CDHR2: variants seen among roughly 807,000 people sequenced by gnomAD.
The protein encoded by CDHR2 is cadherin related family member 2.
Under a neutral mutation model 138.6 loss-of-function variants are expected in CDHR2, and 104 were observed. The observed-to-expected ratio is 0.75, with a 90% CI of 0.64 to 0.88. The LOEUF is 0.88. CDHR2 is among the 40% of genes least tolerant of loss of function. The pLI is 0.00. For missense variants in CDHR2, 1,624 were observed against 1,727.6 expected (o/e 0.94, Z 1.06); for synonymous variants, 755 against 742.8 (o/e 1.02, Z -0.27).
rs1757494032 is a variant in CDHR2 at position 176,543,119 on chromosome 5, T to TC, written c.-16+353dup. Among the ~76,000 whole-genome samples the TC allele has an allele frequency of 6.6e-6, 1 of 150,628 alleles. No homozygotes were observed. Among genetic ancestry groups the TC allele is most frequent in the African/African-American group, 2.4e-5 (1 of 41,078 alleles). On this transcript the variant is annotated intron_variant, in intron 1 of 31. Transcript: ENST00000510636. This position sits in a 1 kb window ranked among gnomAD's most constrained non-coding sequence, Gnocchi z 4.0. The stretch of plus-strand genomic sequence containing the variant: ...CGCTGCCGGGCCCGGGACTGCGAGC[T>TC]CCCGCCGTGCGGGCGCCGGCAGAGG...
chr5:176,576,136 C>A lies in CDHR2; in HGVS notation c.1145C>A (p.Pro382His), dbSNP rs376237956. ...GGCTACGTGGACGAGCATGCCTCCC[C>A]CCGCATCCCCATCGATGACCTCACC... ...FTGYVDEHAS[P>H]RIPIDDLTMV... is the part of the protein sequence containing the mutation. The change falls in exon 12 of 32, where the codon CCC becomes CAC. Residue 382 changes from proline (P) to histidine (H), a missense_variant. Pro to His is a moderately conservative substitution (Grantham distance 77). Around this residue, in one of 3 missense-constraint regions of CDHR2, gnomAD observed 1,061 missense variants for 1,136.6 expected, o/e 0.93. Coordinates refer to ENST00000261944, the MANE Select transcript of CDHR2 (RefSeq NM_017675.6). This position sits in a 1 kb window ranked among gnomAD's most constrained non-coding sequence, Gnocchi z 4.5. The A allele has an allele frequency of 4.3e-6, 7 of 1,614,042 alleles. No individual in the cohort carries two copies. In the East Asian group the frequency reaches 6.7e-5, roughly 15 times the overall value.
rs74781652 is a variant in CDHR2, at chr5:176,589,353, C to T, written c.3032C>T (p.Thr1011Ile). ...SIQPVTSLDS[T>I]LQGTYQVTVQ... is the part of the protein sequence containing the mutation. ...AGGCCGGTGACCAGCCTCGACTCCA[C>T]TCTCCAAGGCACCTACCAAGTGACA... The change falls in exon 23 of 32, where the codon ACT becomes ATT. Residue 1011 changes from threonine to isoleucine, a missense_variant. Physicochemically the swap from Thr to Ile is moderately conservative, Grantham distance 89. Around this residue, in one of 3 missense-constraint regions of CDHR2, gnomAD observed 556 missense variants for 565.7 expected, o/e 0.98. Transcript: ENST00000261944. 6.4e-7 allele frequency: 1 copy of T among 1,554,862 alleles called. No individual in the cohort carries two copies. The highest frequency in any genetic ancestry group is 2.2e-5 in the East Asian group (1 of 44,454).
chr5:176,555,909 CA>C (rs56237222), intron 1 of CDHR2, among the ~76,000 whole-genome samples: 141,648 of 151,756 alleles, frequency 0.93, 66,822 homozygotes, highest in South Asian at 1. Context: ...TCAAAACAAA[CA>C]AAAAAAACCC....
downstream of CDHR2, chr5:176,595,873 G>A (rs1285584788): frequency 1.0e-5 from 5 of 485,554 alleles, no homozygotes; most frequent in African/African-American, 2.0e-5. Flanking sequence ...GAGGGGTGGG[G>A]ACGGGACACT....
intron 20 of CDHR2, 33 bp from the exon 21 acceptor site, chr5:176,586,760 C>T (rs754813865): frequency 1.3e-6 from 2 of 1,583,426 alleles, no homozygotes; most frequent in Non-Finnish European, 1.7e-6. Flanking sequence ...AGTGTCCCGA[C>T]CCCGCTGACC....
At chr5:176,556,851 A>T (rs926479062) in intron 1 of CDHR2, 1 of 152,178 alleles carries the variant, frequency 6.6e-6, no homozygotes, top group African/African-American at 2.4e-5. Context: ...GTTTATAACA[A>T]AAGCCGGCCT....
rs541993691 is a variant in CDHR2, at chr5:176,588,703, G to A, written c.2857-328G>A. 6.6e-5 allele frequency among the ~76,000 whole-genome samples: 7 copies of A among 106,172 alleles called. No individual in the cohort carries two copies. The Admixed American group carries it at 7.2e-4, about 11-fold the overall frequency. 69.7% of individuals were successfully genotyped at this position (106,172 alleles called of 152,430 possible). A position where few individuals can be genotyped will look rare whatever the true frequency, so the allele number is the denominator to read the frequency against. ...AGAGGGTGTGTATGTGAGAGAGACT[G>A]TGTGTGTGAGTGTGTGTGTGTGAGA... On this transcript the variant is annotated intron_variant, in intron 21 of 31. Transcript: ENST00000261944.
intron 3 of CDHR2, among the ~76,000 whole-genome samples, chr5:176,567,719 C>T (rs556301380): frequency 6.6e-6 from 1 of 152,290 alleles, no homozygotes; most frequent in South Asian, 2.1e-4. Context: ...TTTCGAGCTC[C>T]TGATCTCAAG....
Position 176,592,785 on chromosome 5 carries a change from G to A in CDHR2, c.3792+5G>A. 1 of 1,613,606 alleles carries A rather than the reference G, an allele frequency of 6.2e-7. No homozygotes were observed. The highest frequency in any genetic ancestry group is 1.3e-5 in the African/African-American group (1 of 74,986). ...AAGAACAGTCAGGAAATCAAGGCAA[G>A]ATGGGGGATGAATTGGTGCCTGGAG... On this transcript the variant is annotated splice_donor_5th_base_variant and intron_variant, in intron 31 of 31. Coordinates refer to ENST00000261944, the MANE Select transcript of CDHR2 (RefSeq NM_017675.6).
chr5:176,558,311 G>A (rs545798117), intron 1 of CDHR2, among the ~76,000 whole-genome samples: 269 of 150,090 alleles, frequency 1.8e-3, no homozygotes, highest in Middle Eastern at 3.5e-3. Context: ...CGTCTCCCGG[G>A]TTCACACCAT....
At chr5:176,548,803 C>T (rs28719491), upstream of CDHR2, among the ~76,000 whole-genome samples, 1,747 of 151,984 alleles carry the variant, frequency 0.011, 36 homozygotes, top group African/African-American at 0.04. Context: ...CCCCTGGGGA[C>T]GGGCAGATGC....
At chr5:176,586,100 C>T in intron 20 of CDHR2, 75 bp downstream of exon 20, 1 of 1,198,116 alleles carries the variant, frequency 8.3e-7, no homozygotes, top group East Asian at 2.3e-5. Flanking sequence ...ACAGACCCTC[C>T]TTGGACCCCA....
intron 1 of CDHR2, among the ~76,000 whole-genome samples, chr5:176,564,354 G>A (rs1758035436): frequency 6.6e-6 from 1 of 152,070 alleles, no homozygotes; most frequent in African/African-American, 2.4e-5. Flanking sequence ...CCCGGCTAAC[G>A]TTTTTTGTAT....
At chr5:176,575,024 G>A in intron 7 of CDHR2, 60 bp from the exon 8 acceptor site, 1 of 1,601,660 alleles carries the variant, frequency 6.2e-7, no homozygotes, top group Non-Finnish European at 8.5e-7. Context: ...GTTGCTCAGA[G>A]TGGGGTCCTC....
intron 31 of CDHR2, among the ~76,000 whole-genome samples, chr5:176,593,781 C>T (rs1480207155): frequency 6.6e-6 from 1 of 152,154 alleles, no homozygotes; most frequent in Admixed American, 6.5e-5. Flanking sequence ...TTTGGTCAAC[C>T]GAAGCCTCTC....
intron 20 of CDHR2, 46 bp downstream of exon 20, chr5:176,586,071 C>T: frequency 6.5e-7 from 1 of 1,544,326 alleles, no homozygotes; most frequent in Non-Finnish European, 8.9e-7. Flanking sequence ...CTCCATAAGG[C>T]CGCCTTTGAG....
chr5:176,578,289 GT>G, intron 15 of CDHR2, 75 bp from the exon 16 acceptor site: 1 of 1,407,568 alleles, frequency 7.1e-7, no homozygotes, highest in South Asian at 1.2e-5. Context: ...TGAAATATTT[GT>G]TGTTGTATAT....
At chr5:176,548,832 C>A (rs183438508), upstream of CDHR2, among the ~76,000 whole-genome samples, 7 of 152,054 alleles carry the variant, frequency 4.6e-5, no homozygotes, top group Non-Finnish European at 1.0e-4. Context: ...GGTCTCAATG[C>A]GGGGTGAGAT....
chr5:176,559,781 T>A (rs768366037), intron 1 of CDHR2, among the ~76,000 whole-genome samples: 3 of 151,992 alleles, frequency 2.0e-5, no homozygotes, highest in Admixed American at 6.6e-5. Flanking sequence ...CCCTCCCCCA[T>A]CAGGAGACAT....
Sources: allele counts gnomAD v4.1 joint callset (sites outside exome capture counted in the v4.1 genomes callset), GRCh38; gene constraint gnomAD v4.1.1; regional missense constraint gnomAD v4.1.1; non-coding constraint Gnocchi (gnomAD v3.1); transcripts MANE v1.5; gene names NCBI Gene and HGNC (gene_info 2026-07-23, HGNC 2026-07-21).